Variants in PCDH15 observed in about 807,000 individuals in gnomAD.
PCDH15 encodes protocadherin related 15, also known as protocadherin-15.
In PCDH15, 129 loss-of-function variants were observed where a neutral mutation model predicts 178.5. That is an observed-to-expected ratio of 0.72 (90% CI 0.63 to 0.84). The LOEUF is 0.84. Among genes scored for constraint, PCDH15 ranks in the 40% least tolerant of loss-of-function variants. PCDH15 has a pLI of 0.00. For synonymous variants in PCDH15, 800 were observed against 732.0 expected, an observed-to-expected ratio of 1.09 and a Z score of -1.50; for missense variants, 2,230 against 2,099.9, an observed-to-expected ratio of 1.06 and a Z score of -1.21.
chr10:55,395,807 G>T (rs1393088092), intron 2 of PCDH15, among the ~76,000 whole-genome samples: 3 of 151,826 alleles, frequency 2.0e-5, no homozygotes, highest in Non-Finnish European at 4.4e-5. Context: ...TTATTTACAT[G>T]TATAAACAAA....
chr10:54,477,908 A>C (rs1228144296), intron 3 of PCDH15, among the ~76,000 whole-genome samples: 1 of 152,174 alleles, frequency 6.6e-6, no homozygotes, highest in African/African-American at 2.4e-5. Flanking sequence ...TTTTCTTTTT[A>C]AAATGAAATA....
intron 1 of PCDH15, among the ~76,000 whole-genome samples, chr10:54,782,538 T>C (rs1591609004): frequency 6.6e-6 from 1 of 152,104 alleles, no homozygotes; most frequent in Admixed American, 6.6e-5. Context: ...GAAGAATCCA[T>C]TAACTTTAGT....
chr10:53,913,929 C>T (rs1473775253), intron 25 of PCDH15, among the ~76,000 whole-genome samples: 1 of 152,052 alleles, frequency 6.6e-6, no homozygotes, highest in African/African-American at 2.4e-5. Context: ...AAAAATCAAA[C>T]AACACCGTCA....
chr10:55,604,698 G>A (rs1310993283), intron 2 of PCDH15, among the ~76,000 whole-genome samples: 3 of 144,018 alleles, frequency 2.1e-5, no homozygotes, highest in Non-Finnish European at 4.5e-5. Context: ...TGAAACCAAC[G>A]AGAACAAAGA....
At chr10:54,473,475 CTG>C (rs1158636773) in intron 3 of PCDH15, among the ~76,000 whole-genome samples, 1 of 152,080 alleles carries the variant, frequency 6.6e-6, no homozygotes, top group Non-Finnish European at 1.5e-5. Context: ...GTCTGTCTCT[CTG>C]TTTCTGAGCA....
At chr10:54,738,867 C>T (rs1361979970) in intron 1 of PCDH15, among the ~76,000 whole-genome samples, 1 of 151,940 alleles carries the variant, frequency 6.6e-6, no homozygotes, top group Non-Finnish European at 1.5e-5. Context: ...TGGTTATTAT[C>T]TTGATTAAAA....
At chr10:54,685,461 T>C (rs2094979921) in intron 1 of PCDH15, among the ~76,000 whole-genome samples, 1 of 152,162 alleles carries the variant, frequency 6.6e-6, no homozygotes, top group Non-Finnish European at 1.5e-5. Context: ...GTGTGAGTAA[T>C]GCTTTCTGAG....
At chr10:55,192,148 T>C (rs1271966178) in intron 1 of PCDH15, among the ~76,000 whole-genome samples, 2 of 151,864 alleles carry the variant, frequency 1.3e-5, no homozygotes, top group Non-Finnish European at 2.9e-5. Context: ...TCCACTTCAT[T>C]AGCTAGTTCA....
chr10:55,334,812 T>C (rs762438024), intron 2 of PCDH15, among the ~76,000 whole-genome samples: 6 of 152,186 alleles, frequency 3.9e-5, no homozygotes, highest in Non-Finnish European at 8.8e-5. Context: ...AACATGGCTC[T>C]ATGGAGAAAA....
chr10:54,166,008 C>T (rs1463077827), intron 13 of PCDH15, among the ~76,000 whole-genome samples: 2 of 152,154 alleles, frequency 1.3e-5, no homozygotes, highest in African/African-American at 2.4e-5. Context: ...GACAAAGGGG[C>T]TGGGAGAATA....
chr10:55,307,512 A>G (rs1843460792), intron 1 of PCDH15, among the ~76,000 whole-genome samples: 1 of 152,050 alleles, frequency 6.6e-6, no homozygotes, highest in Admixed American at 6.6e-5. Context: ...CATCTCAAAA[A>G]AAAAAAAAAT....
chr10:54,037,445 C>G (rs1415130995), intron 18 of PCDH15, among the ~76,000 whole-genome samples: 2 of 151,898 alleles, frequency 1.3e-5, no homozygotes, highest in Non-Finnish European at 2.9e-5. Context: ...ACAAGACCCT[C>G]TATCTGTATA....
intron 2 of PCDH15, among the ~76,000 whole-genome samples, chr10:55,380,423 A>G (rs567168584): frequency 4.4e-4 from 67 of 152,312 alleles, no homozygotes; most frequent in African/African-American, 1.6e-3. Flanking sequence ...TCTTTTGAGT[A>G]AAGAAATAAT....
intron 1 of PCDH15, among the ~76,000 whole-genome samples, chr10:54,794,619 A>G (rs1373972696): frequency 6.6e-6 from 1 of 151,862 alleles, no homozygotes; most frequent in Admixed American, 6.6e-5. Context: ...GAAGGGCTTC[A>G]TGCACACACA....
At chr10:54,095,061 A>G (rs1021853070) in intron 15 of PCDH15, among the ~76,000 whole-genome samples, 31 of 152,210 alleles carry the variant, frequency 2.0e-4, no homozygotes, top group African/African-American at 7.5e-4. Flanking sequence ...ATGATTCTAC[A>G]CATTTCACAG....
intron 1 of PCDH15, among the ~76,000 whole-genome samples, chr10:54,741,242 T>C (rs940257451): frequency 1.3e-5 from 2 of 151,040 alleles, no homozygotes; most frequent in South Asian, 2.1e-4. Context: ...TATATACTAG[T>C]ATACAAAAAC....
intron 2 of PCDH15, among the ~76,000 whole-genome samples, chr10:55,103,743 A>G (rs1221071271): frequency 2.0e-5 from 3 of 151,986 alleles, no homozygotes; most frequent in African/African-American, 7.2e-5. Context: ...TGACTCCCTA[A>G]TCTAGAGGCT....
intron 2 of PCDH15, among the ~76,000 whole-genome samples, chr10:54,934,868 G>A (rs1438454666): frequency 6.6e-6 from 1 of 151,958 alleles, no homozygotes; most frequent in Admixed American, 6.6e-5. Flanking sequence ...AGAAAATGTG[G>A]CACATACACA....
intron 2 of PCDH15, among the ~76,000 whole-genome samples, chr10:54,941,487 C>A (rs1462194717): frequency 6.6e-6 from 1 of 152,032 alleles, no homozygotes; most frequent in African/African-American, 2.4e-5. Flanking sequence ...TGAGGCATTG[C>A]CATCTTACTG....
Sources: gnomAD v4.1 joint callset for allele counts (sites outside exome capture counted in the v4.1 genomes callset) on GRCh38, gnomAD v4.1.1 for gene constraint, MANE v1.5 for transcripts, NCBI Gene and HGNC (gene_info 2026-07-23, HGNC 2026-07-21) for gene names.